The following AVEN variants were observed in gnomAD, a reference collection of about 807,000 sequenced individuals.
AVEN encodes the protein cell death regulator Aven.
AVEN carries 41 observed loss-of-function variants against 38.1 expected under a neutral mutation model. That is an observed-to-expected ratio of 1.08 (90% CI 0.84 to 1.40). The LOEUF is 1.40. Ranked by LOEUF, AVEN falls within the 40% of genes most tolerant of loss-of-function variation. The pLI, the probability that AVEN is intolerant of heterozygous loss-of-function variation, is 0.00. For missense variants in AVEN, 605 were observed against 438.8 expected, an observed-to-expected ratio of 1.38 and a Z score of -3.38; for synonymous variants, 206 against 171.8, an observed-to-expected ratio of 1.20 and a Z score of -1.56.
chr15:33,937,354 G>GA (rs1164412441), intron 2 of AVEN, among the ~76,000 whole-genome samples: 2 of 150,248 alleles, frequency 1.3e-5, no homozygotes, highest in African/African-American at 2.5e-5. Context: ...CTAACACGGT[G>GA]AAACCCATCT....
At chr15:33,961,616 A>C in intron 2 of AVEN, among the ~76,000 whole-genome samples, 1 of 151,770 alleles carries the variant, frequency 6.6e-6, no homozygotes, top group South Asian at 2.1e-4. Context: ...GATCGAGACC[A>C]TTCTGGCTAA....
intron 5 of AVEN, chr15:34,046,527 TC>T (rs1474233449): frequency 1.3e-5 from 2 of 152,186 alleles, no homozygotes; most frequent in Non-Finnish European, 2.9e-5. Context: ...GAACGATCAT[TC>T]CCCTTTTCTA....
At chr15:33,931,561 G>A (rs942403295) in intron 2 of AVEN, among the ~76,000 whole-genome samples, 58 of 151,770 alleles carry the variant, frequency 3.8e-4, no homozygotes, top group African/African-American at 1.2e-3. Flanking sequence ...TAGTAGAGGC[G>A]GGGTTTCACT....
chr15:33,938,895 G>A (rs1894204600), intron 2 of AVEN, among the ~76,000 whole-genome samples: 1 of 152,062 alleles, frequency 6.6e-6, no homozygotes, highest in African/African-American at 2.4e-5. Context: ...AGGCTGGAAT[G>A]CAATGGCGCC....
At chr15:33,930,396 T>A (rs1308187515) in intron 2 of AVEN, among the ~76,000 whole-genome samples, 1 of 152,128 alleles carries the variant, frequency 6.6e-6, no homozygotes, top group Non-Finnish European at 1.5e-5. Context: ...CTACTAATTT[T>A]AGGTTCAGTT....
At chr15:33,855,049 C>G (rs2079504063), downstream of AVEN, 3 of 895,872 alleles carry the variant, frequency 3.3e-6, no homozygotes, top group East Asian at 3.2e-5. Flanking sequence ...AACACTTCAA[C>G]TAATGGTGAT....
chr15:33,980,127 A>C lies in AVEN; in HGVS notation c.445+22905T>G, dbSNP rs1368260450. 1.6e-4 allele frequency among the ~76,000 whole-genome samples: 24 copies of C among 152,222 alleles called. 1 individual carries two copies. On this transcript the variant is annotated intron_variant, in intron 2 of 5. Transcript: ENST00000306730. Reference sequence around the variant, plus strand: ...ATAGTAAACTAGTATGACTCAGAGCAACTAGGCACAGAAGAAATAGGTACA... The same window carrying C: ...ATAGTAAACTAGTATGACTCAGAGCCACTAGGCACAGAAGAAATAGGTACA...
At chr15:34,009,953 C>A (rs954456765) in intron 1 of AVEN, among the ~76,000 whole-genome samples, 2 of 151,942 alleles carry the variant, frequency 1.3e-5, no homozygotes, top group Non-Finnish European at 2.9e-5. Context: ...TGGAGTGAAA[C>A]CCTGTCTCTT....
At chr15:33,858,245 C>T (rs2079923902), downstream of AVEN, 1 of 236,782 alleles carries the variant, frequency 4.2e-6, no homozygotes, top group Non-Finnish European at 8.3e-6. Context: ...GCTTTTGTCG[C>T]CCAGGCTGGA....
At chr15:34,047,392 T>A (rs547240739) in intron 5 of AVEN, among the ~76,000 whole-genome samples, 126 of 152,220 alleles carry the variant, frequency 8.3e-4, no homozygotes, top group Non-Finnish European at 1.3e-3. Context: ...CTAGCAGTTT[T>A]ACATACTCCA....
the AVEN span, chr15:33,852,889 G>T: frequency 1.5e-6 from 1 of 656,060 alleles, no homozygotes; most frequent in Non-Finnish European, 2.7e-6. Context: ...TAGAGCCTGT[G>T]ATGACTCTGA....
chr15:33,854,693 TAAG>T, downstream of AVEN: 2 of 1,528,882 alleles, frequency 1.3e-6, no homozygotes, highest in Non-Finnish European at 1.8e-6. Flanking sequence ...TCTCCCAAAA[TAAG>T]AAAAAATGTT....
chr15:33,858,965 C>T (rs2080034639), exon 12 of AVEN: 1 of 152,728 alleles, frequency 6.5e-6, no homozygotes, highest in Non-Finnish European at 1.5e-5. Flanking sequence ...ACCAGCGTGT[C>T]TTCAGGCTGC....
chr15:33,880,349 TG>T (rs1891433462), intron 2 of AVEN, among the ~76,000 whole-genome samples: 1 of 151,862 alleles, frequency 6.6e-6, no homozygotes, highest in South Asian at 2.1e-4. Flanking sequence ...TTTCAAAAGG[TG>T]GTATTGAGAG....
At chr15:33,938,176 C>T (rs1318508231) in intron 2 of AVEN, among the ~76,000 whole-genome samples, 1 of 151,984 alleles carries the variant, frequency 6.6e-6, no homozygotes, top group Non-Finnish European at 1.5e-5. Context: ...TAAAACCTGG[C>T]CAGTCGCGGT....
chr15:34,017,488 T>G (rs1314951083), intron 1 of AVEN, among the ~76,000 whole-genome samples: 7 of 77,572 alleles, frequency 9.0e-5, no homozygotes, highest in African/African-American at 2.0e-4. Flanking sequence ...TTTTTTGTTT[T>G]TTTTTTTTTT....
rs1201476939 is a variant in AVEN, at chr15:34,038,917, C to G, written c.130G>C (p.Gly44Arg). The change falls in exon 1 of 6, where the codon GGC becomes CGC. Residue 44 changes from glycine to arginine, a missense_variant. Coordinates refer to ENST00000306730, the MANE Select transcript of AVEN (RefSeq NM_020371.3). ...AVARGGGGGG[G>R]GDGGGRRGRG... is the part of the protein sequence containing the mutation. ...CCCCGGCGTCCGCCTCCGTCCCCGC[C>G]GCCGCCTCCGCCGCCGCCTCTGGCT... The G allele has an allele frequency of 2.1e-5, 15 of 714,450 alleles. No homozygotes were observed. In the East Asian group the frequency reaches 9.2e-4, roughly 44 times the overall value. The allele number at this position is 714,450 out of a possible 1,614,324, so 44.3% of individuals were successfully genotyped here.
intron 2 of AVEN, among the ~76,000 whole-genome samples, chr15:33,949,733 A>G (rs1894660795): frequency 6.6e-6 from 1 of 152,198 alleles, no homozygotes; most frequent in Non-Finnish European, 1.5e-5. Flanking sequence ...TGATATGTAA[A>G]TTATATCTCA....
intron 2 of AVEN, among the ~76,000 whole-genome samples, chr15:33,952,572 T>C (rs911863848): frequency 6.6e-6 from 1 of 152,136 alleles, no homozygotes; most frequent in Non-Finnish European, 1.5e-5. Context: ...TGAAAGAGTA[T>C]TACGTCTTTT....
Sources: gnomAD v4.1 joint callset for allele counts (sites outside exome capture counted in the v4.1 genomes callset) on GRCh38, gnomAD v4.1.1 for gene constraint, MANE v1.5 for transcripts, NCBI Gene and HGNC (gene_info 2026-07-23, HGNC 2026-07-21) for gene names.